The following TEAD1 variants were observed in gnomAD, a reference collection of about 807,000 sequenced individuals.
TEAD1 encodes the protein TEA domain transcription factor 1.
In TEAD1, 9 loss-of-function variants were observed where a neutral mutation model predicts 54.9. That is an observed-to-expected ratio of 0.16 (90% confidence interval 0.10 to 0.29). The LOEUF is 0.29. Among genes scored for constraint, TEAD1 ranks in the 10% least tolerant of loss-of-function variants. The pLI is 1.00. For synonymous variants in TEAD1, 200 were observed against 187.8 expected, an observed-to-expected ratio of 1.07 and a Z score of -0.53; for missense variants, 387 against 535.9, an observed-to-expected ratio of 0.72 and a Z score of 2.74.
intron 2 of TEAD1, among the ~76,000 whole-genome samples, chr11:12,737,291 A>T (rs1014184852): frequency 6.6e-6 from 1 of 151,540 alleles, no homozygotes; most frequent in Non-Finnish European, 1.5e-5. Context: ...TAAGTCCTTA[A>T]TAAGGATGGT....
intron 2 of TEAD1, among the ~76,000 whole-genome samples, chr11:12,712,224 C>T (rs1943955016): frequency 6.6e-6 from 1 of 152,172 alleles, no homozygotes; most frequent in East Asian, 1.9e-4. Flanking sequence ...ATAATTTGAG[C>T]TTCTTATTGG....
chr11:12,843,223 A>G (rs1234377145), intron 3 of TEAD1, among the ~76,000 whole-genome samples: 1 of 152,162 alleles, frequency 6.6e-6, no homozygotes, highest in Non-Finnish European at 1.5e-5. Context: ...CTGTGTTCAC[A>G]AGGAGTCCGA....
At chr11:12,883,753 C>T (rs1564976312) in intron 9 of TEAD1, among the ~76,000 whole-genome samples, 1 of 152,142 alleles carries the variant, frequency 6.6e-6, no homozygotes, top group Non-Finnish European at 1.5e-5. Context: ...GTGGCTCACG[C>T]CTGTAATCCC....
At chr11:12,850,851 C>CT (rs34564825) in intron 3 of TEAD1, among the ~76,000 whole-genome samples, 3 of 152,142 alleles carry the variant, frequency 2.0e-5, no homozygotes, top group Non-Finnish European at 4.4e-5. Flanking sequence ...GACCAGGTCT[C>CT]TATGGCTGTG....
chr11:12,714,401 C>CT (rs933746976), intron 2 of TEAD1, among the ~76,000 whole-genome samples: 30 of 151,954 alleles, frequency 2.0e-4, no homozygotes, highest in Middle Eastern at 3.4e-3. Context: ...TTTGGCTTTT[C>CT]TTTTTTTTGA....
intron 3 of TEAD1, among the ~76,000 whole-genome samples, chr11:12,832,050 T>G (rs1402999744): frequency 1.3e-5 from 2 of 152,016 alleles, no homozygotes; most frequent in Non-Finnish European, 1.5e-5. Context: ...AGACCTCAGA[T>G]TCACACCACG....
chr11:12,721,252 G>T (rs1013008072), intron 2 of TEAD1, among the ~76,000 whole-genome samples: 3 of 152,296 alleles, frequency 2.0e-5, no homozygotes, highest in East Asian at 1.9e-4. Context: ...CCCTTCTTGC[G>T]TTCTTGTTCC....
intron 12 of TEAD1, among the ~76,000 whole-genome samples, chr11:12,933,035 C>T (rs1458594855): frequency 1.3e-5 from 2 of 152,084 alleles, no homozygotes; most frequent in African/African-American, 4.8e-5. Flanking sequence ...CACCATATAG[C>T]CTAGGTGTGT....
intron 3 of TEAD1, among the ~76,000 whole-genome samples, chr11:12,798,376 C>T (rs1477357466): frequency 1.3e-5 from 2 of 152,110 alleles, no homozygotes; most frequent in Admixed American, 1.3e-4. Flanking sequence ...GTTTTGATTT[C>T]ACTTATATTG....
intron 3 of TEAD1, among the ~76,000 whole-genome samples, chr11:12,861,725 G>A (rs1329858614): frequency 1.3e-5 from 2 of 152,234 alleles, no homozygotes; most frequent in Non-Finnish European, 1.5e-5. Context: ...GGTGGCTCAT[G>A]CCTGTAATCC....
intron 2 of TEAD1, among the ~76,000 whole-genome samples, chr11:12,703,319 T>C (rs923361748): frequency 6.6e-6 from 1 of 152,138 alleles, no homozygotes; most frequent in African/African-American, 2.4e-5. Context: ...ACATGTAACA[T>C]AGGATGAGTC....
intron 3 of TEAD1, among the ~76,000 whole-genome samples, chr11:12,791,343 A>G (rs1472540052): frequency 6.6e-6 from 1 of 152,202 alleles, no homozygotes; most frequent in East Asian, 1.9e-4. Context: ...GCTCTCCTGC[A>G]TTCCTTGTAG....
intron 2 of TEAD1, among the ~76,000 whole-genome samples, chr11:12,676,887 G>T (rs1943104839): frequency 6.6e-6 from 1 of 152,056 alleles, no homozygotes; most frequent in Non-Finnish European, 1.5e-5. Flanking sequence ...TCCATTACGG[G>T]TTCTTGCTGA....
At chr11:12,914,350 C>T (rs1363444602) in intron 10 of TEAD1, among the ~76,000 whole-genome samples, 1 of 152,110 alleles carries the variant, frequency 6.6e-6, no homozygotes, top group Non-Finnish European at 1.5e-5. Context: ...CCATAATTAG[C>T]GGGAAGTAAC....
rs918255631 is a variant in TEAD1 at position 12,804,157 on chromosome 11, G to T, written c.202+39723G>T. Among the ~76,000 whole-genome samples the T allele has an allele frequency of 2.7e-4, 41 of 152,358 alleles. No individual in the cohort carries two copies. In the Middle Eastern group the frequency reaches 0.01, roughly 38 times the overall value. On this transcript the variant is annotated intron_variant, in intron 3 of 12. Coordinates refer to ENST00000527636, the MANE Select transcript of TEAD1 (RefSeq NM_021961.6). ...TGAAGTATTAACTTGGAAAGACTGT[G>T]CTTTGTGATATTTCCATTCTTCAGA...
intron 3 of TEAD1, among the ~76,000 whole-genome samples, chr11:12,848,265 A>G (rs538371006): frequency 1.1e-3 from 163 of 152,322 alleles, no homozygotes; most frequent in Admixed American, 2.5e-3. Flanking sequence ...AAAATATTCT[A>G]TAAATTTTAT....
chr11:12,776,757 T>TTTTTTATTA (rs376436859), intron 3 of TEAD1, among the ~76,000 whole-genome samples: 20 of 137,728 alleles, frequency 1.5e-4, no homozygotes, highest in Non-Finnish European at 9.2e-5. Flanking sequence ...CATTTGGATA[T>TTTTTTATTA]TTATTATTAT....
intron 3 of TEAD1, among the ~76,000 whole-genome samples, chr11:12,792,355 T>A (rs1446011193): frequency 3.4e-4 from 34 of 98,578 alleles, no homozygotes; most frequent in African/African-American, 4.9e-4. Context: ...GGGAAAATAG[T>A]AAAAAAAAAA....
At chr11:12,783,706 A>G (rs1945614338) in intron 3 of TEAD1, among the ~76,000 whole-genome samples, 1 of 152,178 alleles carries the variant, frequency 6.6e-6, no homozygotes, top group South Asian at 2.1e-4. Context: ...ATTTTCCCTC[A>G]GGGATGGACA....
Sources: allele counts gnomAD v4.1 joint callset (sites outside exome capture counted in the v4.1 genomes callset), GRCh38; gene constraint gnomAD v4.1.1; transcripts MANE v1.5; gene names NCBI Gene and HGNC (gene_info 2026-07-23, HGNC 2026-07-21).